TENM1: variants seen among roughly 807,000 people sequenced by gnomAD.
TENM1 encodes the protein teneurin transmembrane protein 1.
A neutral mutation model predicts 174.8 loss-of-function variants in TENM1; 35 were observed. The ratio of observed to expected loss-of-function variants is 0.20; its 90% CI spans 0.15 to 0.27. TENM1 has a LOEUF of 0.27. Among genes scored for constraint, TENM1 ranks in the 10% least tolerant of loss-of-function variants. TENM1 has a pLI of 1.00. For synonymous variants in TENM1, 781 were observed against 798.7 expected (o/e 0.98, Z 0.37); for missense variants, 1,633 against 2,130.1 (o/e 0.77, Z 4.59).
intron 22 of TENM1, among the ~76,000 whole-genome samples, chrX:124,471,755 A>G: frequency 1.0e-5 from 1 of 95,683 alleles, no homozygotes; most frequent in Non-Finnish European, 2.0e-5. Context: ...AATATATAAT[A>G]TATACTTATA....
chrX:124,788,447 A>G (rs941765766), intron 3 of TENM1, among the ~76,000 whole-genome samples: 1 of 111,873 alleles, frequency 8.9e-6, no homozygotes, highest in African/African-American at 3.3e-5. Context: ...CATTAACTCA[A>G]AAGTCCACAG....
At chrX:124,409,429 C>T (rs1416954084) in intron 25 of TENM1, among the ~76,000 whole-genome samples, 3 of 107,831 alleles carry the variant, frequency 2.8e-5, no homozygotes, top group Admixed American at 2.0e-4. Context: ...ACTGAATGGG[C>T]AAAAACTGGA....
intron 20 of TENM1, among the ~76,000 whole-genome samples, chrX:124,488,620 A>G (rs1421793533): frequency 1.8e-5 from 2 of 112,220 alleles, no homozygotes; most frequent in Admixed American, 9.4e-5. Context: ...GTTTGTCTCT[A>G]GAAACTTTCA....
At chrX:125,031,659 G>T in the TENM1 span, among the ~76,000 whole-genome samples, 2 of 111,909 alleles carry the variant, frequency 1.8e-5, no homozygotes, top group African/African-American at 6.5e-5. Context: ...AGTTAATATA[G>T]CCTAATTCAT....
At chrX:124,788,705 A>G (rs2055102897) in intron 3 of TENM1, among the ~76,000 whole-genome samples, 1 of 112,799 alleles carries the variant, frequency 8.9e-6, no homozygotes, top group South Asian at 3.6e-4. Context: ...TCCAAGTCAC[A>G]CTGATATAAG....
At chrX:124,453,444 T>C in exon 23 of TENM1, 8 of 1,210,817 alleles carry the variant, frequency 6.6e-6, no homozygotes, top group African/African-American at 1.7e-5. Flanking sequence ...TTGCGAATCA[T>C]AGTCCCATCC....
chrX:124,801,095 G>A (rs1223682771), intron 3 of TENM1, among the ~76,000 whole-genome samples: 2 of 111,743 alleles, frequency 1.8e-5, no homozygotes, highest in African/African-American at 6.5e-5. Context: ...GGAGAGTTCT[G>A]TAGATGTCTA....
intron 11 of TENM1, among the ~76,000 whole-genome samples, chrX:124,619,807 A>C (rs2050477836): frequency 8.9e-6 from 1 of 112,109 alleles, no homozygotes; most frequent in Admixed American, 9.5e-5. Context: ...AACTATCAAT[A>C]TGAGTTTGAA....
the TENM1 span, among the ~76,000 whole-genome samples, chrX:125,188,562 G>A: frequency 9.0e-6 from 1 of 111,518 alleles, no homozygotes; most frequent in African/African-American, 3.3e-5. Flanking sequence ...AGTAGTAAGA[G>A]TAAACAATTT....
the TENM1 span, among the ~76,000 whole-genome samples, chrX:125,158,543 A>G: frequency 9.0e-6 from 1 of 111,176 alleles, no homozygotes; most frequent in Non-Finnish European, 1.9e-5. Flanking sequence ...GATATCAATC[A>G]GAAAAATTTA....
At chrX:124,666,475 G>A (rs1360215020) in intron 6 of TENM1, among the ~76,000 whole-genome samples, 3 of 111,297 alleles carry the variant, frequency 2.7e-5, no homozygotes, top group Admixed American at 9.6e-5. Flanking sequence ...TGTGTCCTGG[G>A]AAATGGCTTA....
At chrX:124,461,680 C>T (rs891289114) in intron 22 of TENM1, among the ~76,000 whole-genome samples, 4 of 111,206 alleles carry the variant, frequency 3.6e-5, no homozygotes, top group Non-Finnish European at 7.5e-5. Flanking sequence ...CTCACTGATA[C>T]GTGGGAGCTA....
chrX:125,045,892 C>T, the TENM1 span, among the ~76,000 whole-genome samples: 1 of 111,730 alleles, frequency 9.0e-6, no homozygotes, highest in South Asian at 3.7e-4. Flanking sequence ...AATTAAAAGG[C>T]CCCCTACATA....
At chrX:124,913,490 T>C (rs149830820) in intron 1 of TENM1, among the ~76,000 whole-genome samples, 7,701 of 111,737 alleles carry the variant, frequency 0.069, 595 homozygotes, top group African/African-American at 0.23. Flanking sequence ...TGGTACACAC[T>C]GTGAGCAATG....
chrX:125,037,012 C>G, the TENM1 span, among the ~76,000 whole-genome samples: 1 of 111,808 alleles, frequency 8.9e-6, no homozygotes, highest in East Asian at 2.8e-4. Context: ...TGGGGCTTCA[C>G]ATACATTAGT....
chrX:124,590,100 A>G (rs1218284162), intron 11 of TENM1, among the ~76,000 whole-genome samples: 2 of 111,837 alleles, frequency 1.8e-5, no homozygotes, highest in Non-Finnish European at 3.8e-5. Context: ...AGATTTGGGT[A>G]TGTCCTGTCT....
At chrX:124,982,549 A>G in the TENM1 span, among the ~76,000 whole-genome samples, 6,985 of 111,388 alleles carry the variant, frequency 0.063, 499 homozygotes, top group African/African-American at 0.21. Context: ...ATGATATAAA[A>G]TTTACTTTGC....
At chrX:124,556,234 A>G (rs141034533) in intron 14 of TENM1, among the ~76,000 whole-genome samples, 212 of 106,941 alleles carry the variant, frequency 2.0e-3, no homozygotes, top group African/African-American at 6.8e-3. Context: ...ACTTGATGTC[A>G]GGAGTTCGAG....
At chrX:124,758,363 C>A (rs2054319883) in intron 3 of TENM1, among the ~76,000 whole-genome samples, 1 of 110,459 alleles carries the variant, frequency 9.1e-6, no homozygotes, top group African/African-American at 3.3e-5. Flanking sequence ...ATTAGGATGG[C>A]CAGTATAAAG....
Sources: gnomAD v4.1 joint callset for allele counts (sites outside exome capture counted in the v4.1 genomes callset) on GRCh38, gnomAD v4.1.1 for gene constraint, MANE v1.5 for transcripts, NCBI Gene and HGNC (gene_info 2026-07-23, HGNC 2026-07-21) for gene names.